The following THRAP3 variants were observed in gnomAD, a reference collection of about 807,000 sequenced individuals.
THRAP3 encodes the protein thyroid hormone receptor-associated protein 3.
Under a neutral mutation model 101.0 loss-of-function variants are expected in THRAP3, and 16 were observed. That is an observed-to-expected ratio of 0.16 (90% confidence interval 0.11 to 0.24). The LOEUF is 0.24. Ranked by LOEUF, THRAP3 falls within the 10% of genes least tolerant of loss-of-function variation. The pLI, the probability that THRAP3 is intolerant of heterozygous loss-of-function variation, is 1.00. For missense variants in THRAP3, 989 were observed against 1,202.7 expected (o/e 0.82, Z 2.63); for synonymous variants, 407 against 422.6 (o/e 0.96, Z 0.45).
chr1:36,276,571 G>T (rs1645663755), intron 2 of THRAP3, among the ~76,000 whole-genome samples: 1 of 147,040 alleles, frequency 6.8e-6, no homozygotes, highest in Non-Finnish European at 1.5e-5. Context: ...TCAAGAAAGT[G>T]TAAAGCTGGG....
intron 1 of THRAP3, among the ~76,000 whole-genome samples, chr1:36,226,535 A>G (rs1276897138): frequency 1.3e-5 from 2 of 152,218 alleles, no homozygotes; most frequent in East Asian, 1.9e-4. Flanking sequence ...CTGGGATTAC[A>G]GGCGTAAGCC....
chr1:36,228,625 G>T (rs147271374), intron 1 of THRAP3, among the ~76,000 whole-genome samples: 1 of 152,196 alleles, frequency 6.6e-6, no homozygotes, highest in African/African-American at 2.4e-5. Context: ...AAAGTGCTGG[G>T]ATTACAGGCG....
At chr1:36,249,195 T>C (rs1191203227) in intron 1 of THRAP3, among the ~76,000 whole-genome samples, 3 of 25,812 alleles carry the variant, frequency 1.2e-4, no homozygotes, top group East Asian at 4.0e-3. Flanking sequence ...CACAGTCCCT[T>C]TTTTTTTTTT....
the THRAP3 span, among the ~76,000 whole-genome samples, chr1:36,210,726 T>TATATATG: frequency 5.4e-4 from 1 of 1,848 alleles, no homozygotes; most frequent in Non-Finnish European, 1.5e-3. Context: ...TATATATATA[T>TATATATG]ATATATATAT....
intron 1 of THRAP3, among the ~76,000 whole-genome samples, chr1:36,229,400 G>GT (rs1334518786): frequency 1.0e-3 from 107 of 102,616 alleles, no homozygotes; most frequent in South Asian, 1.3e-3. Context: ...CTGGTCTACA[G>GT]TTTTTTTTTT....
At chr1:36,250,848 GCGATT>G (rs1191949468) in intron 1 of THRAP3, among the ~76,000 whole-genome samples, 2 of 152,120 alleles carry the variant, frequency 1.3e-5, no homozygotes, top group Non-Finnish European at 2.9e-5. Context: ...CTGGGCTCAA[GCGATT>G]CTTGTGCCTC....
upstream of THRAP3, among the ~76,000 whole-genome samples, chr1:36,223,238 C>A (rs1037900337): frequency 1.3e-5 from 2 of 152,170 alleles, no homozygotes; most frequent in Non-Finnish European, 2.9e-5. Context: ...AAGAGTAAGC[C>A]GTGTGCAAGG....
intron 1 of THRAP3, among the ~76,000 whole-genome samples, chr1:36,242,903 G>A (rs1284277021): frequency 6.6e-6 from 1 of 151,972 alleles, no homozygotes; most frequent in Non-Finnish European, 1.5e-5. Context: ...GCTTTTCACA[G>A]TTAGTGTTTT....
chr1:36,234,607 T>G (rs1645064290), intron 1 of THRAP3, among the ~76,000 whole-genome samples: 1 of 152,118 alleles, frequency 6.6e-6, no homozygotes, highest in South Asian at 2.1e-4. Flanking sequence ...ATGCACTTCT[T>G]GGGTTTGTTT....
At chr1:36,256,188 G>GATTATTGTT (rs1645371878) in intron 1 of THRAP3, among the ~76,000 whole-genome samples, 1 of 136,000 alleles carries the variant, frequency 7.4e-6, no homozygotes, top group Admixed American at 7.7e-5. Flanking sequence ...GGCCTGCCTG[G>GATTATTGTT]ATTATTATTA....
intron 1 of THRAP3, among the ~76,000 whole-genome samples, chr1:36,230,074 C>T (rs1028736834): frequency 6.6e-5 from 10 of 151,810 alleles, no homozygotes; most frequent in Non-Finnish European, 7.4e-5. Flanking sequence ...CCTGCGTCAG[C>T]CTCCCGAGTC....
chr1:36,260,487 G>A (rs901951227), intron 2 of THRAP3, among the ~76,000 whole-genome samples: 1 of 152,058 alleles, frequency 6.6e-6, no homozygotes, highest in South Asian at 2.1e-4. Flanking sequence ...AATAGTGGTC[G>A]TTTTTGGTAG....
chr1:36,304,768 A>C lies in THRAP3; in HGVS notation c.*751A>C. 2 of 213,774 alleles carry C rather than the reference A, an allele frequency of 9.4e-6. No individual in the cohort carries two copies. The highest frequency in any genetic ancestry group is 1.9e-5 in the Non-Finnish European group (2 of 105,488). 13.2% of individuals were successfully genotyped at this position (213,774 alleles called of 1,614,324 possible). ...GGGCTGGACTTCCCCGTTCTCCACC[A>C]GCAGCTCCAGTATCCCAAACTTTCT... is the stretch of plus-strand genomic sequence containing the variant. On this transcript the variant is annotated 3_prime_UTR_variant, in exon 12 of 12. Transcript: ENST00000354618.
chr1:36,293,284 C>A (rs1024243564), intron 7 of THRAP3, among the ~76,000 whole-genome samples: 1 of 152,154 alleles, frequency 6.6e-6, no homozygotes, highest in Non-Finnish European at 1.5e-5. Flanking sequence ...CCGCCTCAGC[C>A]TCCCAAAGTG....
At chr1:36,266,306 AC>A (rs1645514176) in intron 2 of THRAP3, among the ~76,000 whole-genome samples, 1 of 152,174 alleles carries the variant, frequency 6.6e-6, no homozygotes, top group Non-Finnish European at 1.5e-5. Flanking sequence ...AGCCTGGGCA[AC>A]AGAGCCAGAC....
intron 1 of THRAP3, among the ~76,000 whole-genome samples, chr1:36,229,401 TTTTTTTTTTTG>T (rs202160972): frequency 0.4 from 44,076 of 109,486 alleles, 7,701 homozygotes; most frequent in South Asian, 0.55. Context: ...TGGTCTACAG[TTTTTTTTTTTG>T]TTTTTTTTTT....
chr1:36,299,492 C>CTT (rs762518758), intron 9 of THRAP3, among the ~76,000 whole-genome samples: 2 of 146,658 alleles, frequency 1.4e-5, no homozygotes, highest in Admixed American at 6.8e-5. Flanking sequence ...TTTTGAGAGT[C>CTT]TTTTTTTTTT....
chr1:36,215,209 G>A, the THRAP3 span, among the ~76,000 whole-genome samples: 4 of 152,162 alleles, frequency 2.6e-5, no homozygotes, highest in South Asian at 8.3e-4. Flanking sequence ...GGGCGACAGA[G>A]CGAGACTCAA....
chr1:36,223,991 G>C (rs1644926471), upstream of THRAP3, among the ~76,000 whole-genome samples: 1 of 152,178 alleles, frequency 6.6e-6, no homozygotes, highest in East Asian at 1.9e-4. Context: ...GTTTAGAGAG[G>C]AGGGATGAAT....
Sources: gnomAD v4.1 joint callset for allele counts (sites outside exome capture counted in the v4.1 genomes callset) on GRCh38, gnomAD v4.1.1 for gene constraint, MANE v1.5 for transcripts, NCBI Gene and HGNC (gene_info 2026-07-23, HGNC 2026-07-21) for gene names.